GPR158: variants seen among roughly 807,000 people sequenced by gnomAD.
GPR158 encodes G protein-coupled receptor 158, also known as metabotropic glycine receptor.
GPR158 carries 30 observed loss-of-function variants against 78.2 expected under a neutral mutation model. That is an observed-to-expected ratio of 0.38 (90% CI 0.29 to 0.52). The LOEUF is 0.52. GPR158 is among the 20% of genes least tolerant of loss of function. The pLI, the probability that GPR158 is intolerant of heterozygous loss-of-function variation, is 0.83. For synonymous variants in GPR158, 581 were observed against 591.1 expected (o/e 0.98, Z 0.25); for missense variants, 1,463 against 1,523.5 (o/e 0.96, Z 0.66).
At position 25,600,867 on chromosome 10, in the gene GPR158, C is replaced by T. The variant is rs1338712577; in HGVS notation, c.*1593C>T. 2 of 152,082 alleles carry T rather than the reference C, an allele frequency of 1.3e-5. No individual in the cohort carries two copies. The highest frequency in any genetic ancestry group is 2.1e-4 in the South Asian group (1 of 4,824). The allele number at this position is 152,082 out of a possible 1,614,324, so 9.4% of individuals were successfully genotyped here. A position where few individuals can be genotyped will look rare whatever the true frequency, so the allele number is the denominator to read the frequency against. ...TCTTGGCATGGGAATCCTAAGCTGCCGACTAAGCCCTACCGACATGATCAT... is the reference window on the plus strand; with the variant it reads ...TCTTGGCATGGGAATCCTAAGCTGCTGACTAAGCCCTACCGACATGATCAT... On this transcript the variant is annotated 3_prime_UTR_variant, in exon 11 of 11. Coordinates refer to ENST00000376351, the MANE Select transcript of GPR158 (RefSeq NM_020752.3).
At chr10:25,489,459 A>G (rs1392414833) in intron 5 of GPR158, among the ~76,000 whole-genome samples, 1 of 152,182 alleles carries the variant, frequency 6.6e-6, no homozygotes, top group Non-Finnish European at 1.5e-5. Context: ...GAAAACATGT[A>G]TTCTGAGAAA....
At chr10:25,255,371 G>A (rs1047180863) in intron 2 of GPR158, among the ~76,000 whole-genome samples, 5 of 152,198 alleles carry the variant, frequency 3.3e-5, no homozygotes, top group African/African-American at 1.2e-4. Flanking sequence ...CTACAACAAA[G>A]TTCATCATTC....
chr10:25,413,935 G>A (rs530629828), intron 4 of GPR158, among the ~76,000 whole-genome samples: 4 of 152,210 alleles, frequency 2.6e-5, no homozygotes, highest in Non-Finnish European at 5.9e-5. Flanking sequence ...AAAAATAGTA[G>A]CCAAGTAGAG....
At chr10:25,253,861 A>G (rs1010193616) in intron 2 of GPR158, among the ~76,000 whole-genome samples, 17 of 152,318 alleles carry the variant, frequency 1.1e-4, no homozygotes, top group African/African-American at 3.6e-4. Flanking sequence ...AATATTGTCC[A>G]CTGCTCTTTG....
chr10:25,454,138 C>T (rs1835260351), intron 4 of GPR158, among the ~76,000 whole-genome samples: 1 of 151,818 alleles, frequency 6.6e-6, no homozygotes. Context: ...GCTCTTTCAC[C>T]TCCTTGGTTA....
intron 3 of GPR158, among the ~76,000 whole-genome samples, chr10:25,400,638 C>A (rs1259448634): frequency 6.6e-6 from 1 of 152,168 alleles, no homozygotes; most frequent in African/African-American, 2.4e-5. Flanking sequence ...TCTTCAAATC[C>A]AGGTTGTTCC....
At chr10:25,372,460 A>G (rs1834010160) in intron 2 of GPR158, among the ~76,000 whole-genome samples, 1 of 144,618 alleles carries the variant, frequency 6.9e-6, no homozygotes, top group South Asian at 2.3e-4. Flanking sequence ...AACCAACCCA[A>G]ATGTCCAACA....
At chr10:25,595,914 G>A (rs1837398649) in intron 9 of GPR158, among the ~76,000 whole-genome samples, 1 of 152,142 alleles carries the variant, frequency 6.6e-6, no homozygotes. Context: ...AATAAAAAGA[G>A]AATGTTAAAA....
chr10:25,384,640 C>T (rs1478769402), intron 2 of GPR158, among the ~76,000 whole-genome samples: 1 of 151,888 alleles, frequency 6.6e-6, no homozygotes, highest in African/African-American at 2.4e-5. Flanking sequence ...TCTTTTCAGT[C>T]CAAGTTAGTT....
At chr10:25,346,591 G>A (rs1855374954) in intron 2 of GPR158, among the ~76,000 whole-genome samples, 2 of 151,830 alleles carry the variant, frequency 1.3e-5, no homozygotes, top group African/African-American at 4.8e-5. Context: ...TTTTTCTAAG[G>A]TATTATTCCC....
chr10:25,546,088 A>T (rs997185827), intron 5 of GPR158, among the ~76,000 whole-genome samples: 1 of 152,144 alleles, frequency 6.6e-6, no homozygotes, highest in Non-Finnish European at 1.5e-5. Flanking sequence ...GAGCTGAGAC[A>T]TGCAGGATGA....
chr10:25,412,357 C>G lies in GPR158; in HGVS notation c.1219C>G (p.Pro407Ala). ...CTGCCCCTTCTGTGCTGATGACAGCCCATGCTTCGTCCAGGAAGATAAGTA... is the reference window on the plus strand; with the variant it reads ...CTGCCCCTTCTGTGCTGATGACAGCGCATGCTTCGTCCAGGAAGATAAGTA... ...EGCPFCADDS[P>A]CFVQEDKYLR... is the part of the protein sequence containing the mutation. Residue 407 changes from proline (P) to alanine (A), a missense_variant, in exon 4 of 11, where the codon CCA (proline) becomes GCA (alanine). Pro to Ala is a conservative substitution (Grantham distance 27). Transcript: ENST00000376351. 2 of 1,613,484 alleles carry G rather than the reference C, an allele frequency of 1.2e-6. No individual in the cohort carries two copies. The highest frequency in any genetic ancestry group is 2.2e-5 in the East Asian group (1 of 44,878).
intron 2 of GPR158, among the ~76,000 whole-genome samples, chr10:25,360,982 C>T (rs1855630827): frequency 6.6e-6 from 1 of 151,924 alleles, no homozygotes; most frequent in Admixed American, 6.6e-5. Context: ...CTTCACATCC[C>T]TTGTAAGTGC....
At chr10:25,559,239 T>A (rs964239069) in intron 6 of GPR158, among the ~76,000 whole-genome samples, 9 of 152,344 alleles carry the variant, frequency 5.9e-5, no homozygotes, top group African/African-American at 2.2e-4. Context: ...CTGAAATCTA[T>A]TTTGTCTGGT....
At chr10:25,268,578 T>C (rs1225806454) in intron 2 of GPR158, among the ~76,000 whole-genome samples, 1 of 152,142 alleles carries the variant, frequency 6.6e-6, no homozygotes, top group Non-Finnish European at 1.5e-5. Flanking sequence ...AAAATACTAG[T>C]AGCAGACAGT....
chr10:25,202,190 G>T (rs2130656321), intron 1 of GPR158, among the ~76,000 whole-genome samples: 1 of 151,970 alleles, frequency 6.6e-6, no homozygotes, highest in Non-Finnish European at 1.5e-5. Flanking sequence ...TTTGTTATTG[G>T]TCTGTTCAGG....
At chr10:25,521,489 G>T (rs1044998584) in intron 5 of GPR158, among the ~76,000 whole-genome samples, 2 of 152,102 alleles carry the variant, frequency 1.3e-5, no homozygotes, top group Non-Finnish European at 2.9e-5. Context: ...GTGCCTCCTT[G>T]ATTAGCTTAA....
intron 2 of GPR158, among the ~76,000 whole-genome samples, chr10:25,240,259 A>G (rs1853585497): frequency 6.6e-6 from 1 of 152,234 alleles, no homozygotes; most frequent in South Asian, 2.1e-4. Context: ...CTGTAATCAC[A>G]GCACTTTGGG....
intron 5 of GPR158, among the ~76,000 whole-genome samples, chr10:25,472,146 G>A (rs1357536740): frequency 6.6e-6 from 1 of 152,046 alleles, no homozygotes; most frequent in African/African-American, 2.4e-5. Flanking sequence ...TGTATAAGGT[G>A]TAAGGAAGGG....
Sources: gnomAD v4.1 joint callset for allele counts (sites outside exome capture counted in the v4.1 genomes callset) on GRCh38, gnomAD v4.1.1 for gene constraint, MANE v1.5 for transcripts, NCBI Gene and HGNC (gene_info 2026-07-23, HGNC 2026-07-21) for gene names.